ANKRD13B: variants seen among roughly 807,000 people sequenced by gnomAD.
ANKRD13B encodes ankyrin repeat domain 13B, also known as ankyrin repeat domain-containing protein 13B.
In ANKRD13B, 33 loss-of-function variants were observed where a neutral mutation model predicts 74.4. That is an observed-to-expected ratio of 0.44 (90% confidence interval 0.34 to 0.59). ANKRD13B has a LOEUF of 0.59. Among genes scored for constraint, ANKRD13B ranks in the 20% least tolerant of loss-of-function variants. The probability of loss-of-function intolerance (pLI) is 0.02; values close to 1 mark genes in which losing one functional copy is unlikely to be tolerated. For synonymous variants in ANKRD13B, 341 were observed against 362.9 expected, an observed-to-expected ratio of 0.94 and a Z score of 0.68; for missense variants, 676 against 877.9, an observed-to-expected ratio of 0.77 and a Z score of 2.91.
Position 29,607,916 on chromosome 17 carries a change from C to T in ANKRD13B, c.250+39C>T. ...CTCACCCCAGCCCCACAGCCGGGGC[C>T]TCCCCAGCATCATAGACCTATGGTT... On this transcript the variant is annotated intron_variant, in intron 2 of 14. Transcript: ENST00000394859. The T allele has an allele frequency of 1.9e-6, 3 of 1,578,760 alleles. No homozygotes were observed. In the South Asian group the frequency reaches 3.4e-5, roughly 18 times the overall value.
chr17:29,613,075 G>T (rs1283128527), intron 14 of ANKRD13B, 112 bp downstream of exon 14: 1 of 1,411,714 alleles, frequency 7.1e-7, no homozygotes, highest in East Asian at 2.5e-5. Context: ...CCTGGTATCG[G>T]GATGGCTTCT....
chr17:29,607,645 G>C (rs147140187), intron 1 of ANKRD13B, 97 bp from the exon 2 acceptor site: 14,837 of 1,477,468 alleles, frequency 0.01, 98 homozygotes, highest in Non-Finnish European at 0.012. Context: ...GCCCCAGCAG[G>C]GGGTGGGGGT....
rs953294249 is a variant in ANKRD13B, at chr17:29,612,719, C to T, written c.1479C>T (p.Gly493=). The stretch of plus-strand genomic sequence containing the variant: ...CCCCGCGCGGCTACAGCATGATGGG[C>T]GGCCAGCGGGAGGCGGCGACCCGGG... ...FEAPRGYSMM[G]GQREAATRDD... Residue 493 remains glycine, a synonymous_variant, in exon 13 of 15, where the codon GGC becomes GGT. Coordinates refer to ENST00000394859, the MANE Select transcript of ANKRD13B (RefSeq NM_152345.5). This position sits in a 1 kb window ranked among gnomAD's most constrained non-coding sequence, Gnocchi z 6.1. 1.2e-5 allele frequency: 20 copies of T among 1,600,052 alleles called. No homozygotes were observed. The African/African-American group carries it at 2.5e-4, about 20-fold the overall frequency.
chr17:29,593,895 A>ATGGGAGGGGGCCCTGCCCGC, intron 1 of ANKRD13B, 160 bp downstream of exon 1: 1 of 315,506 alleles, frequency 3.2e-6, no homozygotes, highest in Non-Finnish European at 5.6e-6. Context: ...GGAAAGGGTG[A>ATGGGAGGGGGCCCTGCCCGC]TCCCCTCCGG....
chr17:29,599,927 A>G (rs1234463904), intron 1 of ANKRD13B, among the ~76,000 whole-genome samples: 4 of 121,608 alleles, frequency 3.3e-5, no homozygotes, highest in South Asian at 2.6e-4. Flanking sequence ...CCCGCGCTAG[A>G]GTGCAGTGGC....
At chr17:29,595,839 A>G (rs536920398) in intron 1 of ANKRD13B, among the ~76,000 whole-genome samples, 4 of 152,060 alleles carry the variant, frequency 2.6e-5, no homozygotes, top group Non-Finnish European at 4.4e-5. Context: ...GAGGAATGCC[A>G]CTCCGTGTAG....
At chr17:29,599,955 C>T (rs1056718259) in intron 1 of ANKRD13B, among the ~76,000 whole-genome samples, 8 of 138,582 alleles carry the variant, frequency 5.8e-5, no homozygotes, top group African/African-American at 2.2e-4. Context: ...CGGCTCACTG[C>T]AAGCTCCGCC....
At chr17:29,594,026 C>A in intron 1 of ANKRD13B, 1 of 182,340 alleles carries the variant, frequency 5.5e-6, no homozygotes, top group Non-Finnish European at 1.1e-5. Context: ...TGTCGGTGTT[C>A]CATGTGGTGG....
intron 1 of ANKRD13B, among the ~76,000 whole-genome samples, chr17:29,598,045 C>G (rs1268068239): frequency 1.3e-5 from 2 of 152,174 alleles, no homozygotes; most frequent in African/African-American, 4.8e-5. Flanking sequence ...CAGCACTTCC[C>G]CAGTCAGCTC....
chr17:29,610,661 A>G (rs998792315), intron 7 of ANKRD13B, 24 bp from the exon 8 acceptor site: 1 of 1,612,008 alleles, frequency 6.2e-7, no homozygotes, highest in Non-Finnish European at 8.5e-7. Flanking sequence ...ACTGCTTATG[A>G]GCCCTTTCTT....
At chr17:29,593,895 A>AGGGGCGCGGGCCCTGCCCGC in intron 1 of ANKRD13B, 160 bp downstream of exon 1, 1 of 315,506 alleles carries the variant, frequency 3.2e-6, no homozygotes. Context: ...GGAAAGGGTG[A>AGGGGCGCGGGCCCTGCCCGC]TCCCCTCCGG....
Position 29,608,364 on chromosome 17 carries a change from G to C in ANKRD13B, c.421+124G>C, listed in dbSNP as rs768232540. On this transcript the variant is annotated intron_variant, in intron 4 of 14. Coordinates refer to ENST00000394859, the MANE Select transcript of ANKRD13B (RefSeq NM_152345.5). The surrounding 1 kb of genome is among the most constrained non-coding windows in gnomAD (Gnocchi z 6.4). Reference sequence around the variant, plus strand: ...CCCTCTATGCCTTAGCTCAGCTCAGGGCCACCGCCTCAGCTAGGCCTTTCC... The same window carrying C: ...CCCTCTATGCCTTAGCTCAGCTCAGCGCCACCGCCTCAGCTAGGCCTTTCC... 104 of 1,269,318 alleles carry C rather than the reference G, an allele frequency of 8.2e-5. No homozygotes were observed. The highest frequency in any genetic ancestry group is 1.1e-4 in the Non-Finnish European group (101 of 910,998). 78.6% of individuals were successfully genotyped at this position (1,269,318 alleles called of 1,614,324 possible).
rs115900863 is a variant in ANKRD13B at position 29,599,077 on chromosome 17, C to A, written c.114+5342C>A. Among the ~76,000 whole-genome samples, 68 of 152,268 alleles carry A rather than the reference C, an allele frequency of 4.5e-4. 1 individual carries two copies. The highest frequency in any genetic ancestry group is 1.6e-3 in the African/African-American group (65 of 41,568). ...GGACGGGCAGTGGATAGAGCCATAGCAGCTGTTACCTCAGATGGGCTGTCA... is the reference window on the plus strand; with the variant it reads ...GGACGGGCAGTGGATAGAGCCATAGAAGCTGTTACCTCAGATGGGCTGTCA... On this transcript the variant is annotated intron_variant, in intron 1 of 14. Transcript: ENST00000394859.
chr17:29,599,045 G>C (rs2034059698), intron 1 of ANKRD13B, among the ~76,000 whole-genome samples: 1 of 152,198 alleles, frequency 6.6e-6, no homozygotes, highest in Middle Eastern at 3.2e-3. Context: ...GTGCTCAACA[G>C]GCACTTGGAC....
chr17:29,613,776 C>A lies in ANKRD13B; in HGVS notation c.*194C>A. The A allele has an allele frequency of 1.2e-6, 1 of 827,040 alleles. No homozygotes were observed. Among genetic ancestry groups the A allele is most frequent in the Non-Finnish European group, 1.7e-6 (1 of 576,194 alleles). 51.2% of individuals were successfully genotyped at this position (827,040 alleles called of 1,614,324 possible). On this transcript the variant is annotated 3_prime_UTR_variant, in exon 15 of 15. Transcript: ENST00000394859. ...CGGGGTACCTTCCCAGGCCAGGGCC[C>A]TGGAGGCAACTGGCACGGCCTGGTC...
chr17:29,605,111 T>G (rs2150889031), intron 1 of ANKRD13B, among the ~76,000 whole-genome samples: 1 of 152,290 alleles, frequency 6.6e-6, no homozygotes, highest in South Asian at 2.1e-4. Flanking sequence ...CTATGCAGAT[T>G]TCTGGAGTTT....
intron 1 of ANKRD13B, among the ~76,000 whole-genome samples, chr17:29,606,406 A>C (rs1205940949): frequency 6.6e-6 from 1 of 151,514 alleles, no homozygotes; most frequent in African/African-American, 2.4e-5. Context: ...TAAAATACAA[A>C]AATTAGCCTG....
intron 1 of ANKRD13B, among the ~76,000 whole-genome samples, chr17:29,602,219 C>A (rs1283417969): frequency 1.3e-5 from 2 of 151,946 alleles, no homozygotes; most frequent in Non-Finnish European, 2.9e-5. Flanking sequence ...CACGGTGAAA[C>A]CCCGTCTCTA....
At chr17:29,599,089 C>T (rs1387269682) in intron 1 of ANKRD13B, among the ~76,000 whole-genome samples, 1 of 152,152 alleles carries the variant, frequency 6.6e-6, no homozygotes, top group Non-Finnish European at 1.5e-5. Context: ...GCTGTTACCT[C>T]AGATGGGCTG....
Sources: gnomAD v4.1 joint callset for allele counts (sites outside exome capture counted in the v4.1 genomes callset) on GRCh38, gnomAD v4.1.1 for gene constraint, Gnocchi (gnomAD v3.1) non-coding constraint, MANE v1.5 for transcripts, NCBI Gene and HGNC (gene_info 2026-07-23, HGNC 2026-07-21) for gene names.